Variants in NR3C2 observed in about 807,000 individuals in gnomAD.
The protein encoded by NR3C2 is nuclear receptor subfamily 3 group C member 2.
NR3C2 carries 15 observed loss-of-function variants against 86.4 expected under a neutral mutation model. That is an observed-to-expected ratio of 0.17 (90% CI 0.12 to 0.27). The LOEUF (loss-of-function observed/expected upper bound fraction) is 0.27, where lower values mean the gene tolerates loss of function less well. Among genes scored for constraint, NR3C2 ranks in the 10% least tolerant of loss-of-function variants. NR3C2 has a pLI of 1.00. For synonymous variants in NR3C2, 458 were observed against 450.5 expected (o/e 1.02, Z -0.21); for missense variants, 960 against 1,195.6 (o/e 0.80, Z 2.91).
intron 4 of NR3C2, among the ~76,000 whole-genome samples, chr4:148,157,916 C>A (rs1412454027): frequency 3.3e-5 from 5 of 152,038 alleles, no homozygotes; most frequent in African/African-American, 1.2e-4. Context: ...GATAAGCTAT[C>A]AAACAACAAA....
intron 3 of NR3C2, among the ~76,000 whole-genome samples, chr4:148,198,863 G>A (rs1179601971): frequency 6.6e-6 from 1 of 151,566 alleles, no homozygotes; most frequent in Non-Finnish European, 1.5e-5. Flanking sequence ...GGTGGATCAC[G>A]AGATCAGGTG....
chr4:148,433,719 C>T (rs1749906907), intron 2 of NR3C2, among the ~76,000 whole-genome samples: 1 of 152,102 alleles, frequency 6.6e-6, no homozygotes, highest in Non-Finnish European at 1.5e-5. Flanking sequence ...CTACCTCATA[C>T]CAGCTCACTA....
intron 7 of NR3C2, among the ~76,000 whole-genome samples, chr4:148,118,648 T>C (rs573226043): frequency 1.6e-4 from 25 of 152,280 alleles, no homozygotes; most frequent in Non-Finnish European, 3.2e-4. Flanking sequence ...AGACTCAGAG[T>C]TGGTATCAAA....
intron 6 of NR3C2, among the ~76,000 whole-genome samples, chr4:148,132,371 A>G (rs1485041681): frequency 1.3e-5 from 2 of 152,202 alleles, no homozygotes; most frequent in Admixed American, 6.5e-5. Flanking sequence ...TGTCTCTGAG[A>G]TATGTGTCTA....
At chr4:148,234,630 C>A (rs1157061483) in intron 3 of NR3C2, among the ~76,000 whole-genome samples, 2 of 150,232 alleles carry the variant, frequency 1.3e-5, no homozygotes, top group Non-Finnish European at 3.0e-5. Flanking sequence ...TTGCAGTGAG[C>A]CAAGATTGCG....
At chr4:148,208,821 C>T (rs1000279838) in intron 3 of NR3C2, 2 of 152,038 alleles carry the variant, frequency 1.3e-5, no homozygotes, top group African/African-American at 2.4e-5. Flanking sequence ...TTTCCTGTCA[C>T]CATTTCTTGT....
chr4:148,270,794 A>G (rs1250828890), intron 2 of NR3C2, among the ~76,000 whole-genome samples: 1 of 152,194 alleles, frequency 6.6e-6, no homozygotes, highest in African/African-American at 2.4e-5. Flanking sequence ...GTCTAGCCCC[A>G]ATATACTTCA....
chr4:148,192,769 G>A (rs1433786002), intron 4 of NR3C2, among the ~76,000 whole-genome samples: 3 of 151,970 alleles, frequency 2.0e-5, no homozygotes, highest in Non-Finnish European at 2.9e-5. Context: ...GGGGAAAGCC[G>A]GCAGTCACAG....
At chr4:148,082,146 A>C (rs1730592522) in intron 8 of NR3C2, among the ~76,000 whole-genome samples, 1 of 152,210 alleles carries the variant, frequency 6.6e-6, no homozygotes, top group South Asian at 2.1e-4. Flanking sequence ...GAGACAGTGA[A>C]ATACATCAAG....
At chr4:148,341,260 G>T (rs62333587) in intron 2 of NR3C2, among the ~76,000 whole-genome samples, 2 of 152,070 alleles carry the variant, frequency 1.3e-5, no homozygotes, top group Non-Finnish European at 2.9e-5. Flanking sequence ...ACTAACAGTG[G>T]AATATTATTC....
chr4:148,112,135 C>T lies in NR3C2; in HGVS notation c.2799+1969G>A, dbSNP rs372282717. Among the ~76,000 whole-genome samples the T allele has an allele frequency of 9.9e-5, 15 of 151,784 alleles. No homozygotes were observed. The South Asian group carries it at 2.1e-3, about 21-fold the overall frequency. ...TGTGCTGGTGGGGGAAAAAAAAAAACTAGCAAAGGAGGTTTTGACCCATGG... is the reference window on the plus strand; with the variant it reads ...TGTGCTGGTGGGGGAAAAAAAAAAATTAGCAAAGGAGGTTTTGACCCATGG... On this transcript the variant is annotated intron_variant, in intron 8 of 8. Coordinates refer to ENST00000358102, the MANE Select transcript of NR3C2 (RefSeq NM_000901.5).
At chr4:148,426,384 G>C (rs988889884) in intron 2 of NR3C2, among the ~76,000 whole-genome samples, 5 of 152,072 alleles carry the variant, frequency 3.3e-5, no homozygotes, top group Admixed American at 2.6e-4. Flanking sequence ...AGGTAACAAA[G>C]ACAAAAAGGC....
intron 3 of NR3C2, among the ~76,000 whole-genome samples, chr4:148,225,943 C>T (rs1268265199): frequency 1.3e-5 from 2 of 152,066 alleles, no homozygotes; most frequent in Non-Finnish European, 2.9e-5. Context: ...GTTTACTTAA[C>T]TAAGAGTAGA....
intron 2 of NR3C2, among the ~76,000 whole-genome samples, chr4:148,296,190 T>C (rs1048493757): frequency 1.3e-5 from 2 of 152,110 alleles, no homozygotes; most frequent in African/African-American, 4.8e-5. Context: ...TTAATGTCTA[T>C]CATTTTAAAA....
chr4:148,094,451 C>A (rs1281044825), intron 8 of NR3C2, among the ~76,000 whole-genome samples: 2 of 152,282 alleles, frequency 1.3e-5, no homozygotes, highest in African/African-American at 2.4e-5. Context: ...ATGGGGCCCA[C>A]GCCTGTAATC....
chr4:148,436,519 A>G lies in NR3C2; in HGVS notation c.342T>C (p.Asp114=), dbSNP rs545392073. 12 of 1,614,228 alleles carry G rather than the reference A, an allele frequency of 7.4e-6. No individual in the cohort carries two copies. The African/African-American group carries it at 8.0e-5, about 11-fold the overall frequency. ...SMGLYMDSVR[D]ADYSYEQQNQ... ...TCTGCTGCTCATAGGAATAGTCAGC[A>G]TCTCTTACAGAATCCATATATAAAC... The change falls in exon 2 of 9, where the codon GAT becomes GAC. Residue 114 remains aspartate (D), a synonymous_variant. Transcript: ENST00000358102.
At chr4:148,382,602 T>G (rs1424428525) in intron 2 of NR3C2, among the ~76,000 whole-genome samples, 1 of 152,168 alleles carries the variant, frequency 6.6e-6, no homozygotes, top group African/African-American at 2.4e-5. Flanking sequence ...AATAACTGAG[T>G]GTTTATAGCA....
intron 8 of NR3C2, among the ~76,000 whole-genome samples, chr4:148,094,985 C>T (rs1261006344): frequency 2.6e-5 from 4 of 152,092 alleles, no homozygotes; most frequent in African/African-American, 9.7e-5. Flanking sequence ...ACATGAGGTA[C>T]CTAGAGTAGC....
chr4:148,079,433 G>A lies in NR3C2; in HGVS notation c.*1911C>T, dbSNP rs1730438861. ...ATGGTGAACCCTGGAGAAAAGTGTT[G>A]ATCTAATTAATTGCTGCTTCCTCGT... On this transcript the variant is annotated 3_prime_UTR_variant, in exon 9 of 9. Transcript: ENST00000358102. 6.6e-6 allele frequency: 1 copy of A among 152,448 alleles called. No individual in the cohort carries two copies. Among genetic ancestry groups the A allele is most frequent in the South Asian group, 2.1e-4 (1 of 4,830 alleles). The allele number at this position is 152,448 out of a possible 1,614,324, so 9.4% of individuals were successfully genotyped here.
Sources: allele counts gnomAD v4.1 joint callset (sites outside exome capture counted in the v4.1 genomes callset), GRCh38; gene constraint gnomAD v4.1.1; transcripts MANE v1.5; gene names NCBI Gene and HGNC (gene_info 2026-07-23, HGNC 2026-07-21).